The following SGCZ variants were observed in gnomAD, a reference collection of about 807,000 sequenced individuals.
The protein encoded by SGCZ is zeta-sarcoglycan.
Under a neutral mutation model 41.3 loss-of-function variants are expected in SGCZ, and 40 were observed. That is an observed-to-expected ratio of 0.97 (90% CI 0.75 to 1.26). SGCZ has a LOEUF of 1.26. SGCZ is among the 50% of genes most tolerant of loss of function. The probability of loss-of-function intolerance (pLI) is 0.00; values close to 1 mark genes in which losing one functional copy is unlikely to be tolerated. For missense variants in SGCZ, 552 were observed against 369.8 expected (o/e 1.49, Z -4.04); for synonymous variants, 206 against 137.5 (o/e 1.50, Z -3.49).
chr8:14,351,336 A>AT (rs1803082907), intron 2 of SGCZ, among the ~76,000 whole-genome samples: 1 of 151,916 alleles, frequency 6.6e-6, no homozygotes, highest in South Asian at 2.1e-4. Flanking sequence ...ATTAATGACA[A>AT]TTTTTTGGCC....
chr8:15,198,544 C>G (rs1196534105), intron 1 of SGCZ, among the ~76,000 whole-genome samples: 1 of 152,046 alleles, frequency 6.6e-6, no homozygotes, highest in Non-Finnish European at 1.5e-5. Flanking sequence ...AATGGATTTG[C>G]TATACTTTAG....
At chr8:14,911,902 T>C (rs1288214253) in intron 1 of SGCZ, among the ~76,000 whole-genome samples, 1 of 151,944 alleles carries the variant, frequency 6.6e-6, no homozygotes, top group Non-Finnish European at 1.5e-5. Context: ...TAATATTTTA[T>C]CTCTATACTG....
intron 2 of SGCZ, among the ~76,000 whole-genome samples, chr8:14,380,939 T>C (rs535010105): frequency 1.3e-5 from 2 of 152,308 alleles, no homozygotes; most frequent in South Asian, 4.1e-4. Context: ...AATTCCAATA[T>C]CCTGAGATAA....
intron 1 of SGCZ, among the ~76,000 whole-genome samples, chr8:14,933,244 G>T (rs9643992): frequency 0.22 from 33,922 of 151,380 alleles, 4,713 homozygotes; most frequent in East Asian, 0.38. Context: ...ATAAGAGCTG[G>T]AAAAAAAGAA....
chr8:14,554,268 T>G (rs1803962297), intron 2 of SGCZ, among the ~76,000 whole-genome samples: 1 of 152,048 alleles, frequency 6.6e-6, no homozygotes, highest in Non-Finnish European at 1.5e-5. Flanking sequence ...GGCTTTCAGA[T>G]TCAGTCATGC....
At chr8:14,448,172 C>T (rs779775384) in intron 2 of SGCZ, among the ~76,000 whole-genome samples, 10 of 152,302 alleles carry the variant, frequency 6.6e-5, no homozygotes, top group Middle Eastern at 3.4e-3. Flanking sequence ...AGACTCTAAA[C>T]GCTCTTGCTA....
intron 1 of SGCZ, among the ~76,000 whole-genome samples, chr8:15,203,747 C>G (rs1459557162): frequency 6.6e-6 from 1 of 152,142 alleles, no homozygotes; most frequent in Non-Finnish European, 1.5e-5. Context: ...TATGATTTAG[C>G]AGTGCTTCAA....
At chr8:14,121,511 T>G (rs1461000357) in intron 5 of SGCZ, among the ~76,000 whole-genome samples, 1 of 152,210 alleles carries the variant, frequency 6.6e-6, no homozygotes, top group Non-Finnish European at 1.5e-5. Context: ...ACTTCCATGC[T>G]TCTTTCAAAT....
intron 1 of SGCZ, among the ~76,000 whole-genome samples, chr8:15,133,706 T>C (rs137923692): frequency 5.2e-4 from 79 of 152,290 alleles, no homozygotes; most frequent in African/African-American, 1.8e-3. Context: ...ATGACAACAG[T>C]AAGACAGAAC....
At chr8:14,539,485 T>C (rs1389633187) in intron 2 of SGCZ, among the ~76,000 whole-genome samples, 2 of 152,054 alleles carry the variant, frequency 1.3e-5, no homozygotes, top group South Asian at 4.1e-4. Context: ...TTGGGGAAGA[T>C]TGGTGGGGTT....
At chr8:15,192,158 T>C (rs1392082074) in intron 1 of SGCZ, among the ~76,000 whole-genome samples, 1 of 152,104 alleles carries the variant, frequency 6.6e-6, no homozygotes, top group African/African-American at 2.4e-5. Context: ...GCTTTTGTGC[T>C]ATTTCTTTAT....
chr8:14,241,422 G>C, intron 3 of SGCZ, among the ~76,000 whole-genome samples: 1 of 148,334 alleles, frequency 6.7e-6, no homozygotes, highest in Non-Finnish European at 1.5e-5. Context: ...TTTATATATA[G>C]CATGATAAGC....
chr8:14,424,415 G>A (rs1436676442), intron 2 of SGCZ, among the ~76,000 whole-genome samples: 1 of 152,090 alleles, frequency 6.6e-6, no homozygotes, highest in Non-Finnish European at 1.5e-5. Flanking sequence ...CCATCTATGT[G>A]CTAATTAGAA....
At chr8:14,348,005 G>A (rs890582989) in intron 2 of SGCZ, among the ~76,000 whole-genome samples, 30 of 151,876 alleles carry the variant, frequency 2.0e-4, no homozygotes, top group Non-Finnish European at 3.1e-4. Flanking sequence ...CATCATGCAC[G>A]CTTCTCTACA....
chr8:14,294,267 G>C (rs545365684), intron 3 of SGCZ, among the ~76,000 whole-genome samples: 81 of 151,832 alleles, frequency 5.3e-4, no homozygotes, highest in African/African-American at 1.9e-3. Flanking sequence ...AGCTTCATTT[G>C]GGAGAGAGAA....
At chr8:14,629,184 G>C (rs188941506) in intron 1 of SGCZ, among the ~76,000 whole-genome samples, 5 of 152,202 alleles carry the variant, frequency 3.3e-5, no homozygotes, top group African/African-American at 1.2e-4. Flanking sequence ...GCATGTTCCA[G>C]ATATATGGCA....
rs1264194814 is a variant in SGCZ, at chr8:14,771,168, C to A, written c.40-216242G>T. ...TTTTAGATGGGGACAGAACTAACTA[C>A]CCAAGGCAAAGGGTCAGTGCAATGG... On this transcript the variant is annotated intron_variant, in intron 1 of 7. Transcript: ENST00000382080. 2.6e-5 allele frequency among the ~76,000 whole-genome samples: 4 copies of A among 151,732 alleles called. No homozygotes were observed. The East Asian group carries it at 7.7e-4, about 29-fold the overall frequency.
rs117547651 is a variant in SGCZ, at chr8:14,388,999, G to A, written c.235-64795C>T. Among the ~76,000 whole-genome samples, 8 of 151,696 alleles carry A rather than the reference G, an allele frequency of 5.3e-5. 1 individual carries two copies. Among genetic ancestry groups the A allele is most frequent in the Admixed American group, 3.3e-4 (5 of 15,192 alleles). On this transcript the variant is annotated intron_variant, in intron 2 of 7. Transcript: ENST00000382080. ...AATCTATTTCACAGACAAGAAAAAA[G>A]CATAATATAAATAAAAGACACTATG...
At chr8:15,234,978 T>C (rs1393758885) in intron 1 of SGCZ, among the ~76,000 whole-genome samples, 6 of 152,288 alleles carry the variant, frequency 3.9e-5, no homozygotes, top group Admixed American at 1.3e-4. Context: ...ATTTAAAGCA[T>C]CATAAAAACC....
Sources: allele counts gnomAD v4.1 joint callset (sites outside exome capture counted in the v4.1 genomes callset), GRCh38; gene constraint gnomAD v4.1.1; transcripts MANE v1.5; gene names NCBI Gene and HGNC (gene_info 2026-07-23, HGNC 2026-07-21).